Variants in DLG1 observed in about 807,000 individuals in gnomAD.
DLG1 encodes the protein discs large MAGUK scaffold protein 1.
Under a neutral mutation model 123.4 loss-of-function variants are expected in DLG1, and 42 were observed. The ratio of observed to expected loss-of-function variants is 0.34; its 90% CI spans 0.27 to 0.44. DLG1 has a LOEUF of 0.44. Among genes scored for constraint, DLG1 ranks in the 20% least tolerant of loss-of-function variants. The pLI, the probability that DLG1 is intolerant of heterozygous loss-of-function variation, is 1.00. For synonymous variants in DLG1, 317 were observed against 356.2 expected (o/e 0.89, Z 1.24); for missense variants, 942 against 1,082.6 (o/e 0.87, Z 1.82).
intron 3 of DLG1, among the ~76,000 whole-genome samples, chr3:197,286,091 T>C (rs1771690554): frequency 6.6e-6 from 1 of 152,172 alleles, no homozygotes; most frequent in Non-Finnish European, 1.5e-5. Context: ...ACCGTAAATA[T>C]ATTACTAACT....
At chr3:197,240,106 A>G (rs2150727793) in intron 4 of DLG1, among the ~76,000 whole-genome samples, 1 of 152,324 alleles carries the variant, frequency 6.6e-6, no homozygotes, top group East Asian at 1.9e-4. Context: ...GGATAGGCAG[A>G]AACAAAAAAG....
chr3:197,122,516 T>C (rs1776975968), intron 11 of DLG1, among the ~76,000 whole-genome samples: 1 of 152,106 alleles, frequency 6.6e-6, no homozygotes, highest in African/African-American at 2.4e-5. Context: ...GTAAAATTCA[T>C]TGTTCACAGA....
intron 22 of DLG1, among the ~76,000 whole-genome samples, chr3:197,062,438 A>C (rs982391085): frequency 6.6e-6 from 1 of 152,186 alleles, no homozygotes; most frequent in African/African-American, 2.4e-5. Flanking sequence ...GTGTTTGTTT[A>C]TATCATTATG....
intron 4 of DLG1, among the ~76,000 whole-genome samples, chr3:197,269,140 T>C (rs1020797665): frequency 7.2e-5 from 11 of 152,240 alleles, no homozygotes; most frequent in African/African-American, 2.7e-4. Context: ...GTACAGTAGA[T>C]AAACTAGTAA....
At chr3:197,247,338 T>A (rs963844889) in intron 4 of DLG1, among the ~76,000 whole-genome samples, 2 of 152,108 alleles carry the variant, frequency 1.3e-5, no homozygotes, top group African/African-American at 4.8e-5. Context: ...AGTGAGGAGA[T>A]TCCTGTGCAC....
chr3:197,145,957 T>A (rs1421616977), intron 6 of DLG1, among the ~76,000 whole-genome samples: 1 of 151,480 alleles, frequency 6.6e-6, no homozygotes, highest in Non-Finnish European at 1.5e-5. Context: ...GCTACTGTAC[T>A]CCAACCTGGG....
chr3:197,214,797 A>T (rs1733213526), intron 4 of DLG1, among the ~76,000 whole-genome samples: 3 of 152,256 alleles, frequency 2.0e-5, no homozygotes, highest in Admixed American at 2.0e-4. Flanking sequence ...TGAGCAAGAC[A>T]CACAGACTGG....
At position 197,207,670 on chromosome 3, in the gene DLG1, G is replaced by C. The variant is rs371471667; in HGVS notation, c.319-13081C>G. 2.0e-5 allele frequency among the ~76,000 whole-genome samples: 3 copies of C among 152,210 alleles called. No individual in the cohort carries two copies. In the East Asian group the frequency reaches 5.8e-4, roughly 29 times the overall value. On this transcript the variant is annotated intron_variant, in intron 4 of 24. Coordinates refer to ENST00000667157, the MANE Select transcript of DLG1 (RefSeq NM_001366207.1). Reference sequence around the variant, plus strand: ...ATATGGTATTACTGGTACAAGAACAGAAAGATTAGTGAAACAAAGATGAAA... The same window carrying C: ...ATATGGTATTACTGGTACAAGAACACAAAGATTAGTGAAACAAAGATGAAA...
chr3:197,297,530 T>A (rs1778070062), intron 1 of DLG1: 2 of 1,173,916 alleles, frequency 1.7e-6, no homozygotes, highest in South Asian at 2.2e-5. Flanking sequence ...CGCACAAGTA[T>A]CCACACTCCC....
intron 14 of DLG1, among the ~76,000 whole-genome samples, chr3:197,099,617 C>A (rs28579340): frequency 0.13 from 19,647 of 152,026 alleles, 1,794 homozygotes; most frequent in African/African-American, 0.25. Context: ...ATTTGATATC[C>A]CCTTTCAAAT....
At chr3:197,199,217 G>C (rs894580133) in intron 4 of DLG1, among the ~76,000 whole-genome samples, 3 of 152,086 alleles carry the variant, frequency 2.0e-5, no homozygotes, top group African/African-American at 7.2e-5. Flanking sequence ...GTACCTTTAA[G>C]AAAACCTTTT....
intron 4 of DLG1, among the ~76,000 whole-genome samples, chr3:197,202,150 A>C (rs1349389141): frequency 6.6e-6 from 1 of 152,218 alleles, no homozygotes; most frequent in Admixed American, 6.5e-5. Context: ...TATACAAATA[A>C]AACAAATGCA....
At chr3:197,190,965 G>T (rs1316695590) in intron 5 of DLG1, among the ~76,000 whole-genome samples, 3 of 152,150 alleles carry the variant, frequency 2.0e-5, no homozygotes, top group African/African-American at 7.2e-5. Context: ...AGCCGAGATC[G>T]CGCCACTGCA....
At position 197,138,370 on chromosome 3, in the gene DLG1, T is replaced by C. The variant is rs1387003688; in HGVS notation, c.735A>G (p.Arg245=). ...CATCACGAACATCTACTTCATTTACTCGTAATATACAGTCATTGACCCTGA... is the reference window on the plus strand; with the variant it reads ...CATCACGAACATCTACTTCATTTACCCGTAATATACAGTCATTGACCCTGA... The part of the protein sequence containing the change: ...GRLRVNDCIL[R]VNEVDVRDVT... The change falls in exon 9 of 25, where the codon CGA becomes CGG. Residue 245 remains arginine (R), a synonymous_variant. Coordinates refer to ENST00000667157, the MANE Select transcript of DLG1 (RefSeq NM_001366207.1). 6.5e-7 allele frequency: 1 copy of C among 1,538,742 alleles called. No homozygotes were observed.
At chr3:197,147,016 C>A (rs868176313) in intron 6 of DLG1, among the ~76,000 whole-genome samples, 1 of 151,922 alleles carries the variant, frequency 6.6e-6, no homozygotes, top group Non-Finnish European at 1.5e-5. Flanking sequence ...AAGGAAGATA[C>A]GCAAATGGCT....
At chr3:197,112,664 C>G (rs1348280177) in intron 13 of DLG1, among the ~76,000 whole-genome samples, 1 of 151,842 alleles carries the variant, frequency 6.6e-6, no homozygotes, top group Non-Finnish European at 1.5e-5. Context: ...AAAGCTCACT[C>G]ACTGTAGCTT....
chr3:197,245,808 T>C (rs899052425), intron 4 of DLG1, among the ~76,000 whole-genome samples: 1 of 151,280 alleles, frequency 6.6e-6, no homozygotes, highest in Non-Finnish European at 1.5e-5. Context: ...AAAAGCAGTT[T>C]GTTTGGCTCT....
intron 19 of DLG1, chr3:197,068,585 T>A: frequency 7.5e-7 from 1 of 1,326,276 alleles, no homozygotes; most frequent in Non-Finnish European, 1.0e-6. Flanking sequence ...AAAGTAATTT[T>A]AATTTTTAAG....
intron 23 of DLG1, among the ~76,000 whole-genome samples, 163 bp from the exon 24 acceptor site, chr3:197,051,831 GA>G (rs1254285625): frequency 2.1e-5 from 3 of 143,306 alleles, no homozygotes; most frequent in East Asian, 2.1e-4. Context: ...TCATTTCTGG[GA>G]ATTTTTTTTT....
Sources: gnomAD v4.1 joint callset for allele counts (sites outside exome capture counted in the v4.1 genomes callset) on GRCh38, gnomAD v4.1.1 for gene constraint, MANE v1.5 for transcripts, NCBI Gene and HGNC (gene_info 2026-07-23, HGNC 2026-07-21) for gene names.